Variants in SYNPR observed in about 807,000 individuals in gnomAD.
The protein encoded by SYNPR is synaptoporin.
Under a neutral mutation model 32.9 loss-of-function variants are expected in SYNPR, and 23 were observed. The ratio of observed to expected loss-of-function variants is 0.70; its 90% CI spans 0.50 to 0.99. The LOEUF (loss-of-function observed/expected upper bound fraction) is 0.99. SYNPR is among the 50% of genes least tolerant of loss of function. The probability of loss-of-function intolerance (pLI) is 0.00; values close to 1 mark genes in which losing one functional copy is unlikely to be tolerated. For missense variants in SYNPR, 318 were observed against 349.3 expected (o/e 0.91, Z 0.71); for synonymous variants, 146 against 135.9 (o/e 1.07, Z -0.52).
At chr3:63,388,556 T>TTTTGTGTGTGTGTG (rs1338505690) in intron 2 of SYNPR, among the ~76,000 whole-genome samples, 1 of 128,018 alleles carries the variant, frequency 7.8e-6, no homozygotes, top group African/African-American at 3.0e-5. Context: ...CCCGGCTAAT[T>TTTTGTGTGTGTGTG]TGTGTGTGTG....
At chr3:63,223,559 G>GC (rs2086107872), upstream of SYNPR, among the ~76,000 whole-genome samples, 1 of 151,952 alleles carries the variant, frequency 6.6e-6, no homozygotes. Flanking sequence ...CTAAGGTTCT[G>GC]CCCCCCATTT....
At chr3:63,457,737 CAGAGCTCAAACCATATTGT>C (rs1276264765) in intron 2 of SYNPR, among the ~76,000 whole-genome samples, 1 of 152,078 alleles carries the variant, frequency 6.6e-6, no homozygotes, top group Non-Finnish European at 1.5e-5. Context: ...TACAGACCCA[CAGAGCTCAAACCATATTGT>C]AGACACATTG....
chr3:63,417,848 C>A (rs1364500666), intron 2 of SYNPR, among the ~76,000 whole-genome samples: 1 of 152,158 alleles, frequency 6.6e-6, no homozygotes, highest in Non-Finnish European at 1.5e-5. Context: ...GGACCCAGGG[C>A]CCAGCCTATG....
intron 3 of SYNPR, among the ~76,000 whole-genome samples, chr3:63,496,529 A>T (rs184910397): frequency 6.6e-6 from 1 of 152,306 alleles, no homozygotes; most frequent in Non-Finnish European, 1.5e-5. Flanking sequence ...TCCCTGGGCC[A>T]AAAGGTGTAC....
At chr3:63,539,861 G>A (rs1017135970) in intron 3 of SYNPR, among the ~76,000 whole-genome samples, 13 of 152,098 alleles carry the variant, frequency 8.5e-5, no homozygotes, top group Non-Finnish European at 1.3e-4. Flanking sequence ...CCCGGACAGA[G>A]GGCAGAGAGG....
intron 1 of SYNPR, among the ~76,000 whole-genome samples, chr3:63,251,324 C>CA (rs113713917): frequency 0.079 from 11,773 of 148,764 alleles, 1,319 homozygotes; most frequent in African/African-American, 0.25. Flanking sequence ...ATCCTGGTAT[C>CA]AAAAAAAAAA....
chr3:63,307,847 A>G (rs2106949138), intron 2 of SYNPR, among the ~76,000 whole-genome samples: 1 of 152,184 alleles, frequency 6.6e-6, no homozygotes, highest in South Asian at 2.1e-4. Context: ...TAGAGAAAAA[A>G]ACATGGACTC....
intron 4 of SYNPR, among the ~76,000 whole-genome samples, chr3:63,562,036 A>T (rs1702699695): frequency 6.6e-6 from 1 of 152,240 alleles, no homozygotes; most frequent in African/African-American, 2.4e-5. Flanking sequence ...CACTACAGTA[A>T]GTGTCTTCAT....
intron 2 of SYNPR, among the ~76,000 whole-genome samples, chr3:63,343,111 C>A (rs1307404816): frequency 6.6e-6 from 1 of 152,006 alleles, no homozygotes; most frequent in South Asian, 2.1e-4. Flanking sequence ...GAGAAGGCGA[C>A]AAGTTTGGCA....
chr3:63,248,055 G>A (rs967432267), intron 1 of SYNPR, among the ~76,000 whole-genome samples: 1 of 152,110 alleles, frequency 6.6e-6, no homozygotes, highest in Non-Finnish European at 1.5e-5. Flanking sequence ...TAACTGCCCA[G>A]GGGAAAGGTG....
chr3:63,347,917 GTA>G (rs1420629878), intron 2 of SYNPR, among the ~76,000 whole-genome samples: 56 of 116,220 alleles, frequency 4.8e-4, no homozygotes, highest in Admixed American at 3.2e-3. Flanking sequence ...GTGTGTGTGT[GTA>G]TGTATATATC....
chr3:63,502,961 TA>T (rs1238563108), intron 3 of SYNPR, among the ~76,000 whole-genome samples: 1 of 152,170 alleles, frequency 6.6e-6, no homozygotes, highest in Non-Finnish European at 1.5e-5. Flanking sequence ...CATGTGGACA[TA>T]AGGTTTTAAT....
chr3:63,347,607 A>C (rs1033593329), intron 2 of SYNPR, among the ~76,000 whole-genome samples: 2 of 152,136 alleles, frequency 1.3e-5, no homozygotes, highest in Non-Finnish European at 2.9e-5. Context: ...TACCTATTAA[A>C]TAATTTCTCA....
intron 3 of SYNPR, among the ~76,000 whole-genome samples, chr3:63,508,036 G>A (rs1701623375): frequency 1.3e-5 from 2 of 152,060 alleles, no homozygotes; most frequent in Admixed American, 1.3e-4. Context: ...ATATAAAAAT[G>A]TTAATGATAT....
At chr3:63,600,602 A>C (rs925558620) in intron 4 of SYNPR, among the ~76,000 whole-genome samples, 1 of 152,182 alleles carries the variant, frequency 6.6e-6, no homozygotes, top group African/African-American at 2.4e-5. Context: ...GATGGAGGTA[A>C]TTGGATCATG....
chr3:63,534,602 A>T (rs1261635952), intron 3 of SYNPR, among the ~76,000 whole-genome samples: 1 of 152,168 alleles, frequency 6.6e-6, no homozygotes, highest in East Asian at 1.9e-4. Flanking sequence ...GTGTTGCTAT[A>T]ACAGAATAGC....
At chr3:63,284,190 A>T (rs959050443) in intron 2 of SYNPR, among the ~76,000 whole-genome samples, 5 of 152,106 alleles carry the variant, frequency 3.3e-5, no homozygotes, top group African/African-American at 1.2e-4. Context: ...CTAAAAAATG[A>T]TGTTAGTAAT....
At chr3:63,416,385 A>G (rs1317770159) in intron 2 of SYNPR, among the ~76,000 whole-genome samples, 1 of 152,094 alleles carries the variant, frequency 6.6e-6, no homozygotes, top group Non-Finnish European at 1.5e-5. Flanking sequence ...TAGAAAAATT[A>G]GCCAGGCGTG....
At chr3:63,417,638 C>T (rs968561045) in intron 2 of SYNPR, among the ~76,000 whole-genome samples, 2 of 152,226 alleles carry the variant, frequency 1.3e-5, no homozygotes, top group African/African-American at 4.8e-5. Context: ...TCCATACATC[C>T]TCTGAAATCT....
Sources: gnomAD v4.1 joint callset for allele counts (sites outside exome capture counted in the v4.1 genomes callset) on GRCh38, gnomAD v4.1.1 for gene constraint, MANE v1.5 for transcripts, NCBI Gene and HGNC (gene_info 2026-07-23, HGNC 2026-07-21) for gene names.